FMNL1: variants seen among roughly 807,000 people sequenced by gnomAD.
FMNL1 encodes the protein formin-like protein 1.
Under a neutral mutation model 121.3 loss-of-function variants are expected in FMNL1, and 43 were observed. The ratio of observed to expected loss-of-function variants is 0.35; its 90% CI spans 0.28 to 0.46. FMNL1 has a LOEUF of 0.46. Among genes scored for constraint, FMNL1 ranks in the 20% least tolerant of loss-of-function variants. FMNL1 has a pLI of 1.00. For synonymous variants in FMNL1, 613 were observed against 613.5 expected (o/e 1.00, Z 0.01); for missense variants, 1,191 against 1,482.4 (o/e 0.80, Z 3.23).
chr17:45,245,681 C>T lies in FMNL1; in HGVS notation c.2942C>T (p.Thr981Ile). Residue 981 changes from threonine to isoleucine, a missense_variant, in exon 23 of 27, where the codon ACA (threonine) becomes ATA (isoleucine). By Grantham distance (89) the Thr-to-Ile change is moderately conservative. This residue lies in a region of FMNL1 where 367 missense variants were observed against 528.6 expected (regional missense o/e 0.69). Coordinates refer to ENST00000331495, the MANE Select transcript of FMNL1 (RefSeq NM_005892.4). ...VEYFGENPKTTSPGLFFSLFS... is the reference protein window; with the variant it reads ...VEYFGENPKTISPGLFFSLFS... ...TACTTCGGAGAGAACCCCAAGACCA[C>T]ATCCCCAGGCCTGTTCTTCTCCCTC... The T allele has an allele frequency of 8.1e-6, 13 of 1,614,156 alleles. No homozygotes were observed. Among genetic ancestry groups the T allele is most frequent in the Non-Finnish European group, 1.1e-5 (13 of 1,179,996 alleles).
Position 45,243,202 on chromosome 17 carries a change from G to A in FMNL1, c.2095G>A (p.Ala699Thr). ...GGACCTCAGCGCTCTCAAGAGTAAG[G>A]CAGCCCAGAAGGCCCCCAGCAAGGC... Reference protein sequence around the residue: ...SLDLSALKSKAAQKAPSKATL... With the variant: ...SLDLSALKSKTAQKAPSKATL... The change falls in exon 17 of 27, where the codon GCA (alanine) becomes ACA (threonine). Residue 699 changes from alanine to threonine, a missense_variant. Physicochemically the swap from Ala to Thr is moderately conservative, Grantham distance 58 (BLOSUM62 0). Transcript: ENST00000331495. 1.2e-6 allele frequency: 2 copies of A among 1,614,190 alleles called. No individual in the cohort carries two copies. Among genetic ancestry groups the A allele is most frequent in the South Asian group, 1.1e-5 (1 of 91,086 alleles).
At chr17:45,223,611 C>T (rs144274131) in intron 1 of FMNL1, among the ~76,000 whole-genome samples, 1 of 152,290 alleles carries the variant, frequency 6.6e-6, no homozygotes, top group Non-Finnish European at 1.5e-5. Context: ...TCCCCGCTCC[C>T]CAAGCATAGG....
Position 45,245,825 on chromosome 17 carries a change from G to T in FMNL1, c.2995-53G>T, listed in dbSNP as rs1025630475. 7 of 1,601,492 alleles carry T rather than the reference G, an allele frequency of 4.4e-6. No homozygotes were observed. In the Admixed American group the frequency reaches 5.1e-5, roughly 12 times the overall value. ...GGGTGGGGCTGCTTCTGTTTAGGGG[G>T]TGGGTAGGGCAGTAGGGAGGGCCAC... is the stretch of plus-strand genomic sequence containing the variant. On this transcript the variant is annotated intron_variant, in intron 23 of 26. Coordinates refer to ENST00000331495, the MANE Select transcript of FMNL1 (RefSeq NM_005892.4).
chr17:45,222,401 C>T, intron 1 of FMNL1, 148 bp downstream of exon 1: 1 of 626,352 alleles, frequency 1.6e-6, no homozygotes, highest in Admixed American at 5.2e-5. Context: ...GTGGGAGCGA[C>T]AGTGGCCTTT....
intron 6 of FMNL1, chr17:45,234,663 C>CAAAAAAAAAAAAAAAAAAAAAAA (rs58221219): frequency 1.4e-5 from 1 of 69,092 alleles, no homozygotes; most frequent in Non-Finnish European, 2.6e-5. Context: ...GACCCTGTCT[C>CAAAAAAAAAAAAAAAAAAAAAAA]AAAAAAAAAA....
At position 45,246,890 on chromosome 17, in the gene FMNL1, C is replaced by G. The variant is rs2043851010; in HGVS notation, c.*32C>G. On this transcript the variant is annotated 3_prime_UTR_variant, in exon 27 of 27. Coordinates refer to ENST00000331495, the MANE Select transcript of FMNL1 (RefSeq NM_005892.4). ...AGATCTGCGGAACCAGCCCTACATC[C>G]GCGCAGACACAGGCCGCCGCAGTGC... is the stretch of plus-strand genomic sequence containing the variant. The G allele has an allele frequency of 1.3e-6, 1 of 753,882 alleles. No individual in the cohort carries two copies. The allele number at this position is 753,882 out of a possible 1,614,324, so 46.7% of individuals were successfully genotyped here. A position where few individuals can be genotyped will look rare whatever the true frequency, so the allele number is the denominator to read the frequency against.
At position 45,222,302 on chromosome 17, in the gene FMNL1, G is replaced by C. The variant is rs1479709391; in HGVS notation, c.129+49G>C. On this transcript the variant is annotated intron_variant, in intron 1 of 26. Coordinates refer to ENST00000331495, the MANE Select transcript of FMNL1 (RefSeq NM_005892.4). ...CGGGCGCGGGCGGGGGGCGGCAGGG[G>C]CGCGGCAGGGGCTGGGCGCGCGTCC... The C allele has an allele frequency of 5.2e-6, 6 of 1,147,226 alleles. No individual in the cohort carries two copies. The African/African-American group carries it at 6.6e-5, about 13-fold the overall frequency. 71.1% of individuals were successfully genotyped at this position (1,147,226 alleles called of 1,614,324 possible).
At position 45,243,908 on chromosome 17, in the gene FMNL1, G is replaced by A; in HGVS notation, c.2331G>A (p.Glu777=). ...RFEREQRPME[E]LSEEDRFMLC... ...AGCGGGAGCAGCGGCCAATGGAGGA[G>A]CTGTCAGAGGAGGACCGCTTCATGC... The change falls in exon 18 of 27, where the codon GAG becomes GAA. Residue 777 remains glutamate (E), a synonymous_variant. Coordinates refer to ENST00000331495, the MANE Select transcript of FMNL1 (RefSeq NM_005892.4). The A allele has an allele frequency of 6.2e-7, 1 of 1,613,934 alleles. No individual in the cohort carries two copies. The highest frequency in any genetic ancestry group is 1.1e-5 in the South Asian group (1 of 91,092).
chr17:45,232,088 C>G (rs187755631), intron 2 of FMNL1, among the ~76,000 whole-genome samples: 1 of 152,202 alleles, frequency 6.6e-6, no homozygotes, highest in East Asian at 1.9e-4. Flanking sequence ...GTAGGAGGAT[C>G]GCTTGAGCCC....
Position 45,241,781 on chromosome 17 carries a change from A to C in FMNL1, c.1586-66A>C. The C allele has an allele frequency of 1.4e-6, 2 of 1,400,270 alleles. No homozygotes were observed. Among genetic ancestry groups the C allele is most frequent in the Non-Finnish European group, 1.8e-6 (2 of 1,081,866 alleles). 86.7% of individuals were successfully genotyped at this position (1,400,270 alleles called of 1,614,324 possible). The stretch of plus-strand genomic sequence containing the variant: ...GCGCATGCGTAGAGCGGAGAGGCGG[A>C]GAGGGGCCCACCCAAGTCAAGGAGC... On this transcript the variant is annotated intron_variant, in intron 14 of 26. Coordinates refer to ENST00000331495, the MANE Select transcript of FMNL1 (RefSeq NM_005892.4). This position sits in a 1 kb window ranked among gnomAD's most constrained non-coding sequence, Gnocchi z 7.0.
Position 45,233,660 on chromosome 17 carries a change from G to A in FMNL1, c.414G>A (p.Glu138=), listed in dbSNP as rs781640137. 5.6e-6 allele frequency: 9 copies of A among 1,613,956 alleles called. No individual in the cohort carries two copies. Among genetic ancestry groups the A allele is most frequent in the Non-Finnish European group, 7.6e-6 (9 of 1,180,006 alleles). The part of the protein sequence containing the change: ...LRTNHIGWVQ[E]FLNEENRGLD... ...CCTGTGCCCACAGGTGGGTGCAGGA[G>A]TTCCTCAATGAAGAGAACCGTGGCC... Residue 138 remains glutamate, a synonymous_variant, in exon 5 of 27, where the codon GAG becomes GAA. Coordinates refer to ENST00000331495, the MANE Select transcript of FMNL1 (RefSeq NM_005892.4). The surrounding 1 kb of genome is among the most constrained non-coding windows in gnomAD (Gnocchi z 4.1).
rs150016661 is a variant in FMNL1, at chr17:45,241,498, G to A, written c.1449G>A (p.Leu483=). 348 of 1,579,640 alleles carry A rather than the reference G, an allele frequency of 2.2e-4. No homozygotes were observed. The African/African-American group carries it at 4.3e-3, about 20-fold the overall frequency. The change falls in exon 14 of 27, where the codon CTG becomes CTA. Residue 483 remains leucine, a synonymous_variant. Coordinates refer to ENST00000331495, the MANE Select transcript of FMNL1 (RefSeq NM_005892.4). This position sits in a 1 kb window ranked among gnomAD's most constrained non-coding sequence, Gnocchi z 7.0. Reference sequence around the variant, plus strand: ...CCCTGGAGCTGAAGGTGGAGGAGCTGGAGGAGAAGGGGTTAATCCGTATTC... The same window carrying A: ...CCCTGGAGCTGAAGGTGGAGGAGCTAGAGGAGAAGGGGTTAATCCGTATTC... ...PSALELKVEE[L]EEKGLIRILR...
At position 45,237,773 on chromosome 17, in the gene FMNL1, A is replaced by T. The variant is rs2043584637; in HGVS notation, c.894+134A>T. Reference sequence around the variant, plus strand: ...CATTTGGGGAACGCCCAAAAGTTGAAGTTGAGCCACATCACTGGCTCAGCA... The same window carrying T: ...CATTTGGGGAACGCCCAAAAGTTGATGTTGAGCCACATCACTGGCTCAGCA... On this transcript the variant is annotated intron_variant, in intron 9 of 26. Coordinates refer to ENST00000331495, the MANE Select transcript of FMNL1 (RefSeq NM_005892.4). This position sits in a 1 kb window ranked among gnomAD's most constrained non-coding sequence, Gnocchi z 4.4. 2 of 923,000 alleles carry T rather than the reference A, an allele frequency of 2.2e-6. No individual in the cohort carries two copies. The highest frequency in any genetic ancestry group is 1.6e-5 in the African/African-American group (1 of 61,168). 57.2% of individuals were successfully genotyped at this position (923,000 alleles called of 1,614,324 possible). A position where few individuals can be genotyped will look rare whatever the true frequency, so the allele number is the denominator to read the frequency against.
chr17:45,236,776 C>T (rs1474309099), intron 7 of FMNL1, among the ~76,000 whole-genome samples: 4 of 151,982 alleles, frequency 2.6e-5, no homozygotes, highest in Admixed American at 1.3e-4. Context: ...GCCTGGGCAA[C>T]ATACTGAAAC....
chr17:45,239,128 T>G, intron 11 of FMNL1, 63 bp downstream of exon 11: 1 of 1,386,518 alleles, frequency 7.2e-7, no homozygotes, highest in East Asian at 2.3e-5. Flanking sequence ...GCTGAGTGGT[T>G]AGCAGCATGA....
At chr17:45,244,363 T>C (rs2043780560) in intron 19 of FMNL1, 119 bp downstream of exon 19, 1 of 1,274,526 alleles carries the variant, frequency 7.8e-7, no homozygotes, top group Admixed American at 2.2e-5. Context: ...ATGTACATGC[T>C]GAGAAGGACA....
chr17:45,224,975 T>C (rs2043302951), intron 1 of FMNL1, among the ~76,000 whole-genome samples: 1 of 152,110 alleles, frequency 6.6e-6, no homozygotes, highest in South Asian at 2.1e-4. Context: ...GCACGCAGGG[T>C]CAGGGACTGG....
intron 1 of FMNL1, among the ~76,000 whole-genome samples, chr17:45,224,505 C>G (rs2043294155): frequency 6.6e-6 from 1 of 152,186 alleles, no homozygotes; most frequent in Non-Finnish European, 1.5e-5. Flanking sequence ...ATGGGAGAAG[C>G]ACAGTCCTGC....
At position 45,237,542 on chromosome 17, in the gene FMNL1, C is replaced by G. The variant is rs2043578627; in HGVS notation, c.801-4C>G. ...AAGGGACAACCTGCCCCTTCTCTCT[C>G]CAGAACCAAGGCTCTGGTGCTGGAG... On this transcript the variant is annotated splice_polypyrimidine_tract_variant and splice_region_variant and intron_variant, in intron 8 of 26. Coordinates refer to ENST00000331495, the MANE Select transcript of FMNL1 (RefSeq NM_005892.4). The surrounding 1 kb of genome is among the most constrained non-coding windows in gnomAD (Gnocchi z 4.4). The G allele has an allele frequency of 6.2e-7, 1 of 1,614,066 alleles. No individual in the cohort carries two copies. Among genetic ancestry groups the G allele is most frequent in the Non-Finnish European group, 8.5e-7 (1 of 1,180,032 alleles).
Sources: gnomAD v4.1 joint callset for allele counts (sites outside exome capture counted in the v4.1 genomes callset) on GRCh38, gnomAD v4.1.1 for gene constraint, gnomAD v4.1.1 regional missense constraint, Gnocchi (gnomAD v3.1) non-coding constraint, MANE v1.5 for transcripts, NCBI Gene and HGNC (gene_info 2026-07-23, HGNC 2026-07-21) for gene names.